Variants in TEKT5 observed in about 807,000 individuals in gnomAD.
The protein encoded by TEKT5 is tektin 5, also known as tektin-5.
TEKT5 carries 52 observed loss-of-function variants against 48.7 expected under a neutral mutation model. The observed-to-expected ratio is 1.07, with a 90% CI of 0.86 to 1.35. The LOEUF is 1.35. Ranked by LOEUF, TEKT5 falls within the 40% of genes most tolerant of loss-of-function variation. TEKT5 has a pLI of 0.00. For synonymous variants in TEKT5, 318 were observed against 267.6 expected, an observed-to-expected ratio of 1.19 and a Z score of -1.84; for missense variants, 831 against 641.6, an observed-to-expected ratio of 1.30 and a Z score of -3.19.
intron 5 of TEKT5, among the ~76,000 whole-genome samples, chr16:10,669,609 A>C (rs2111218): frequency 0.53 from 80,568 of 151,990 alleles, 22,690 homozygotes; most frequent in East Asian, 0.82. Flanking sequence ...TGTAACACAT[A>C]TAATATTTCA....
At chr16:10,681,179 A>T (rs1216937575) in intron 4 of TEKT5, among the ~76,000 whole-genome samples, 1 of 152,130 alleles carries the variant, frequency 6.6e-6, no homozygotes, top group Admixed American at 6.6e-5. Context: ...GGCTGTGATT[A>T]TTCTATACTA....
At chr16:10,674,193 C>T (rs1002242049) in intron 5 of TEKT5, among the ~76,000 whole-genome samples, 17 of 152,022 alleles carry the variant, frequency 1.1e-4, no homozygotes, top group African/African-American at 4.1e-4. Flanking sequence ...TTCCCACCAA[C>T]TTTTGGCCGC....
In TEKT5 at chr16:10,627,776, A is replaced by G; in HGVS notation, c.1265T>C (p.Ile422Thr). The G allele has an allele frequency of 1.2e-6, 2 of 1,614,196 alleles. No homozygotes were observed. Among genetic ancestry groups the G allele is most frequent in the Non-Finnish European group, 1.7e-6 (2 of 1,180,040 alleles). ...QLKLVNEVFT[I>T]DDTLQTLKLR... ...CTTGAGGGTCTGCAGGGTGTCGTCG[A>G]TGGTGAACACCTCGTTCACCAGCCT... The change falls in exon 7 of 7, where the codon ATC becomes ACC. Residue 422 changes from isoleucine to threonine, a missense_variant. Transcript: ENST00000283025.
At chr16:10,656,812 C>T (rs1399373453) in intron 5 of TEKT5, among the ~76,000 whole-genome samples, 2 of 149,798 alleles carry the variant, frequency 1.3e-5, no homozygotes, top group African/African-American at 2.5e-5. Flanking sequence ...GCAATCACTC[C>T]TCACCACAGC....
At chr16:10,652,451 AACACACACACACACACACACACACAC>A (rs572277672) in intron 5 of TEKT5, among the ~76,000 whole-genome samples, 4 of 66,772 alleles carry the variant, frequency 6.0e-5, no homozygotes, top group East Asian at 4.6e-4. Context: ...TACACAGGCA[AACACACACACACACACACACACACAC>A]ACACACACAC....
intron 3 of TEKT5, among the ~76,000 whole-genome samples, chr16:10,688,101 C>T (rs1596420999): frequency 6.6e-6 from 1 of 152,122 alleles, no homozygotes; most frequent in African/African-American, 2.4e-5. Flanking sequence ...CTATAGGTAA[C>T]AATAGTCCCG....
intron 5 of TEKT5, among the ~76,000 whole-genome samples, chr16:10,644,617 G>C (rs1898043188): frequency 6.6e-6 from 1 of 152,076 alleles, no homozygotes; most frequent in African/African-American, 2.4e-5. Context: ...GAATCAGTTT[G>C]TCTCCAGACC....
chr16:10,637,209 T>G (rs1285533907), intron 5 of TEKT5, among the ~76,000 whole-genome samples: 1 of 151,848 alleles, frequency 6.6e-6, no homozygotes, highest in Admixed American at 6.6e-5. Context: ...TTGATTTTTG[T>G]ATTTTTAGTA....
chr16:10,633,937 C>T (rs2142257254), intron 6 of TEKT5, among the ~76,000 whole-genome samples: 1 of 152,200 alleles, frequency 6.6e-6, no homozygotes, highest in Non-Finnish European at 1.5e-5. Context: ...TGAGGCTGTG[C>T]AAAAATCATC....
In TEKT5 at chr16:10,694,743, T is replaced by A; in HGVS notation, c.131A>T (p.Tyr44Phe). 1 of 1,614,132 alleles carries A rather than the reference T, an allele frequency of 6.2e-7. No homozygotes were observed. Among genetic ancestry groups the A allele is most frequent in the Non-Finnish European group, 8.5e-7 (1 of 1,179,988 alleles). ...ECYQPYYLPGYRYLNSWRPSL... is the reference protein window; with the variant it reads ...ECYQPYYLPGFRYLNSWRPSL... ...AGGCCTCCATGAATTGAGGTAGCGG[T>A]ACCCGGGCAGGTAGTAGGGCTGATA... Residue 44 changes from tyrosine (Y) to phenylalanine (F), a missense_variant, in exon 1 of 7, where the codon TAC becomes TTC. Coordinates refer to ENST00000283025, the MANE Select transcript of TEKT5 (RefSeq NM_144674.2).
At chr16:10,640,831 A>T (rs2142264134) in intron 5 of TEKT5, among the ~76,000 whole-genome samples, 1 of 152,302 alleles carries the variant, frequency 6.6e-6, no homozygotes, top group South Asian at 2.1e-4. Flanking sequence ...TTCATTGCAC[A>T]ATATTCCACC....
chr16:10,650,995 A>C (rs936482882), intron 5 of TEKT5, among the ~76,000 whole-genome samples: 3 of 152,258 alleles, frequency 2.0e-5, no homozygotes, highest in African/African-American at 7.2e-5. Context: ...TGGGACTCCC[A>C]ATGCCAGAGA....
chr16:10,661,181 G>A (rs528435758), intron 5 of TEKT5, among the ~76,000 whole-genome samples: 244 of 152,288 alleles, frequency 1.6e-3, no homozygotes, highest in Non-Finnish European at 2.8e-3. Flanking sequence ...AAAAACAGGC[G>A]GAGGGGCGGG....
chr16:10,665,712 G>A (rs2719679), intron 5 of TEKT5, among the ~76,000 whole-genome samples: 51,522 of 151,910 alleles, frequency 0.34, 9,930 homozygotes, highest in East Asian at 0.54. Flanking sequence ...CCTCATGCTG[G>A]GTCCATCCAG....
chr16:10,673,763 G>T (rs528284168), intron 5 of TEKT5, among the ~76,000 whole-genome samples: 1 of 147,680 alleles, frequency 6.8e-6, no homozygotes, highest in Non-Finnish European at 1.5e-5. Flanking sequence ...TGATTCTCCC[G>T]CCTCAGCCTC....
At chr16:10,631,718 T>A (rs966647555) in intron 6 of TEKT5, among the ~76,000 whole-genome samples, 1 of 151,910 alleles carries the variant, frequency 6.6e-6, no homozygotes, top group East Asian at 1.9e-4. Flanking sequence ...GAGAAGGCCA[T>A]GTGGAGACGA....
chr16:10,662,592 T>C (rs976932907), intron 5 of TEKT5, among the ~76,000 whole-genome samples: 1 of 152,270 alleles, frequency 6.6e-6, no homozygotes, highest in Admixed American at 6.5e-5. Context: ...CCTTCTGTGC[T>C]GTGCTGCCCA....
intron 5 of TEKT5, among the ~76,000 whole-genome samples, chr16:10,647,309 A>C (rs1179050540): frequency 6.6e-6 from 1 of 151,662 alleles, no homozygotes; most frequent in Non-Finnish European, 1.5e-5. Flanking sequence ...CTCTACAAAA[A>C]ATTTAAAAAA....
At position 10,689,244 on chromosome 16, in the gene TEKT5, A is replaced by AT; in HGVS notation, c.719+8_719+9insA. On this transcript the variant is annotated intron_variant, in intron 3 of 6. Coordinates refer to ENST00000283025, the MANE Select transcript of TEKT5 (RefSeq NM_144674.2). The stretch of plus-strand genomic sequence containing the variant: ...AGGAGAGGGAATTAAAAAAAAAAAA[A>AT]GCCCTTACCGCATCTGGATATCAAT... 1 of 1,580,398 alleles carries AT rather than the reference A, an allele frequency of 6.3e-7. No individual in the cohort carries two copies. The highest frequency in any genetic ancestry group is 1.2e-5 in the South Asian group (1 of 84,984).
Sources: gnomAD v4.1 joint callset for allele counts (sites outside exome capture counted in the v4.1 genomes callset) on GRCh38, gnomAD v4.1.1 for gene constraint, MANE v1.5 for transcripts, NCBI Gene and HGNC (gene_info 2026-07-23, HGNC 2026-07-21) for gene names.